Variants in SYT1 observed in about 807,000 individuals in gnomAD.
SYT1 encodes the protein synaptotagmin-1.
A neutral mutation model predicts 44.8 loss-of-function variants in SYT1; 8 were observed. The observed-to-expected ratio is 0.18, with a 90% CI of 0.10 to 0.32. The LOEUF (loss-of-function observed/expected upper bound fraction) is 0.32. Ranked by LOEUF, SYT1 falls within the 10% of genes least tolerant of loss-of-function variation. SYT1 has a pLI of 1.00. For synonymous variants in SYT1, 154 were observed against 188.8 expected (o/e 0.82, Z 1.51); for missense variants, 286 against 509.3 (o/e 0.56, Z 4.22).
At chr12:79,331,183 T>C (rs1015117451) in intron 8 of SYT1, among the ~76,000 whole-genome samples, 38 of 152,206 alleles carry the variant, frequency 2.5e-4, no homozygotes, top group Non-Finnish European at 3.7e-4. Flanking sequence ...AGCGACATCA[T>C]TGGCTCATTT....
At chr12:79,419,150 C>A (rs778959063) in intron 9 of SYT1, 2 of 388,558 alleles carry the variant, frequency 5.1e-6, no homozygotes, top group Non-Finnish European at 5.2e-6. Flanking sequence ...TGCCTTTTCT[C>A]TATGTAGAAG....
At chr12:79,097,517 T>C (rs1878206413) in intron 3 of SYT1, among the ~76,000 whole-genome samples, 1 of 152,020 alleles carries the variant, frequency 6.6e-6, no homozygotes, top group Admixed American at 6.6e-5. Flanking sequence ...GGAGGGCCTA[T>C]AGAAACACAT....
chr12:79,070,032 T>G (rs1255462241), intron 3 of SYT1, among the ~76,000 whole-genome samples: 1 of 152,154 alleles, frequency 6.6e-6, no homozygotes, highest in Non-Finnish European at 1.5e-5. Context: ...TCCTTTCAAA[T>G]TTTTCAAAAG....
At chr12:79,353,855 A>T (rs1192357994) in intron 9 of SYT1, among the ~76,000 whole-genome samples, 1 of 152,174 alleles carries the variant, frequency 6.6e-6, no homozygotes, top group African/African-American at 2.4e-5. Flanking sequence ...CAAAGTATCA[A>T]TTGTCTTTTT....
chr12:79,229,977 C>A (rs7967265), intron 4 of SYT1, among the ~76,000 whole-genome samples: 109,780 of 151,986 alleles, frequency 0.72, 40,320 homozygotes, highest in African/African-American at 0.83. Context: ...ATATTAAAAA[C>A]TGCAGGAAAC....
chr12:79,022,873 A>G (rs2137631303), intron 2 of SYT1, among the ~76,000 whole-genome samples: 1 of 151,912 alleles, frequency 6.6e-6, no homozygotes, highest in East Asian at 1.9e-4. Flanking sequence ...AAAACAACCC[A>G]GGATCTAGCT....
intron 1 of SYT1, among the ~76,000 whole-genome samples, chr12:78,971,041 G>A (rs1868365831): frequency 6.6e-6 from 1 of 152,174 alleles, no homozygotes. Context: ...ATGCATGCCT[G>A]TGATCCTAGC....
chr12:78,963,592 A>G (rs1381600313), intron 1 of SYT1, among the ~76,000 whole-genome samples: 1 of 152,188 alleles, frequency 6.6e-6, no homozygotes. Flanking sequence ...TCATTAGGAA[A>G]ATGCAAATCA....
intron 3 of SYT1, among the ~76,000 whole-genome samples, chr12:79,216,782 A>G (rs1874833537): frequency 1.3e-5 from 2 of 152,192 alleles, no homozygotes; most frequent in African/African-American, 4.8e-5. Flanking sequence ...TAAAATATCT[A>G]AACTTATAAG....
intron 3 of SYT1, among the ~76,000 whole-genome samples, chr12:79,179,011 T>TAG (rs1768075935): frequency 4.1e-5 from 1 of 24,588 alleles, no homozygotes; most frequent in African/African-American, 2.5e-4. Flanking sequence ...GATATAGATA[T>TAG]ATAGATATAG....
chr12:78,952,882 T>C (rs952028576), intron 1 of SYT1, among the ~76,000 whole-genome samples: 1 of 152,158 alleles, frequency 6.6e-6, no homozygotes, highest in Admixed American at 6.6e-5. Context: ...TTTGTTTTGT[T>C]TTGTTTTTCT....
chr12:79,102,113 T>C (rs2138055290), intron 3 of SYT1, among the ~76,000 whole-genome samples: 1 of 152,280 alleles, frequency 6.6e-6, no homozygotes, highest in African/African-American at 2.4e-5. Context: ...TTGATCATAA[T>C]ATATCCCTGC....
intron 1 of SYT1, among the ~76,000 whole-genome samples, chr12:78,923,498 T>G (rs757999606): frequency 1.2e-3 from 188 of 152,014 alleles, no homozygotes; most frequent in Middle Eastern, 6.8e-3. Flanking sequence ...TACTCTGAGT[T>G]TAGAGCTGAC....
intron 8 of SYT1, among the ~76,000 whole-genome samples, chr12:79,318,246 G>A (rs897686879): frequency 5.9e-5 from 9 of 152,102 alleles, no homozygotes; most frequent in African/African-American, 1.7e-4. Context: ...TTGTGCCTCC[G>A]GAGGGCCTGT....
intron 8 of SYT1, among the ~76,000 whole-genome samples, chr12:79,309,085 T>A (rs1032926135): frequency 3.3e-5 from 5 of 152,164 alleles, no homozygotes; most frequent in African/African-American, 1.2e-4. Flanking sequence ...TTCTCAAGGA[T>A]CTCCACAAAC....
intron 3 of SYT1, among the ~76,000 whole-genome samples, chr12:79,205,039 A>ACTGCAAGCTCCGCCTCC (rs1428785382): frequency 2.1e-5 from 3 of 144,770 alleles, no homozygotes; most frequent in African/African-American, 7.7e-5. Context: ...ATCTCGGCTC[A>ACTGCAAGCTCCGCCTCC]CTGCAAGCTC....
At chr12:79,208,898 T>TA (rs749398079) in intron 3 of SYT1, among the ~76,000 whole-genome samples, 48 of 151,546 alleles carry the variant, frequency 3.2e-4, no homozygotes, top group East Asian at 1.2e-3. Flanking sequence ...GCATACTCTT[T>TA]AAAAAAAAAT....
chr12:79,360,608 G>A (rs1463475707), intron 9 of SYT1, among the ~76,000 whole-genome samples: 2 of 152,232 alleles, frequency 1.3e-5, no homozygotes, highest in Middle Eastern at 3.4e-3. Context: ...ATGATATCAG[G>A]GTCAAGCAAT....
intron 9 of SYT1, among the ~76,000 whole-genome samples, chr12:79,384,223 A>G (rs893408903): frequency 1.3e-5 from 2 of 152,166 alleles, no homozygotes; most frequent in African/African-American, 4.8e-5. Flanking sequence ...AAGTATTGCT[A>G]TTTGGCCTAA....
Sources: allele counts gnomAD v4.1 joint callset (sites outside exome capture counted in the v4.1 genomes callset), GRCh38; gene constraint gnomAD v4.1.1; transcripts MANE v1.5; gene names NCBI Gene and HGNC (gene_info 2026-07-23, HGNC 2026-07-21).